The following ACBD6 variants were observed in gnomAD, a reference collection of about 807,000 sequenced individuals.
The protein encoded by ACBD6 is acyl-CoA-binding domain-containing protein 6.
In ACBD6, 28 loss-of-function variants were observed where a neutral mutation model predicts 37.2. The ratio of observed to expected loss-of-function variants is 0.75; its 90% CI spans 0.56 to 1.03. The LOEUF (loss-of-function observed/expected upper bound fraction) is 1.03. Ranked by LOEUF, ACBD6 falls within the 50% of genes least tolerant of loss-of-function variation. The pLI, the probability that ACBD6 is intolerant of heterozygous loss-of-function variation, is 0.00. For synonymous variants in ACBD6, 113 were observed against 126.8 expected, an observed-to-expected ratio of 0.89 and a Z score of 0.73; for missense variants, 340 against 337.4, an observed-to-expected ratio of 1.01 and a Z score of -0.06.
At chr1:180,315,220 T>A (rs1299929994) in intron 6 of ACBD6, among the ~76,000 whole-genome samples, 1 of 152,156 alleles carries the variant, frequency 6.6e-6, no homozygotes, top group Non-Finnish European at 1.5e-5. Flanking sequence ...TATCATAAAG[T>A]AATGTGATTT....
chr1:180,397,061 T>C (rs909790061), intron 6 of ACBD6, among the ~76,000 whole-genome samples: 74 of 152,144 alleles, frequency 4.9e-4, no homozygotes, highest in African/African-American at 1.7e-3. Flanking sequence ...TGCCCATCAA[T>C]TGATTAATGG....
At chr1:180,496,219 T>G (rs1361203355) in intron 1 of ACBD6, among the ~76,000 whole-genome samples, 1 of 152,184 alleles carries the variant, frequency 6.6e-6, no homozygotes, top group African/African-American at 2.4e-5. Context: ...TAAATGAAAT[T>G]CACACAAGTG....
intron 6 of ACBD6, among the ~76,000 whole-genome samples, chr1:180,340,525 A>G (rs893062259): frequency 2.0e-5 from 3 of 152,086 alleles, no homozygotes; most frequent in Non-Finnish European, 4.4e-5. Context: ...TTGTTGTAAA[A>G]AGGAGGAAAG....
chr1:180,394,934 A>G (rs976874819), intron 6 of ACBD6, among the ~76,000 whole-genome samples: 1 of 152,214 alleles, frequency 6.6e-6, no homozygotes, highest in Non-Finnish European at 1.5e-5. Flanking sequence ...TCCTTACTAT[A>G]TAAAAAGTTC....
intron 6 of ACBD6, among the ~76,000 whole-genome samples, chr1:180,335,951 A>C (rs1197364738): frequency 1.3e-5 from 2 of 151,380 alleles, no homozygotes; most frequent in Non-Finnish European, 3.0e-5. Flanking sequence ...CAATTCAACA[A>C]GAAGAGCTAA....
intron 7 of ACBD6, among the ~76,000 whole-genome samples, chr1:180,292,237 G>A (rs1035748961): frequency 3.3e-5 from 5 of 152,146 alleles, no homozygotes; most frequent in Middle Eastern, 3.4e-3. Context: ...TTGGGACCCC[G>A]CTGAATCTAT....
intron 3 of ACBD6, among the ~76,000 whole-genome samples, chr1:180,456,611 T>C (rs184042552): frequency 3.5e-4 from 53 of 152,290 alleles, no homozygotes; most frequent in Admixed American, 2.4e-3. Context: ...TGATACATCA[T>C]GAAACAGCAA....
chr1:180,317,507 A>C (rs1014749720), intron 6 of ACBD6, among the ~76,000 whole-genome samples: 1 of 152,228 alleles, frequency 6.6e-6, no homozygotes, highest in Non-Finnish European at 1.5e-5. Flanking sequence ...GTAAATTCCA[A>C]ATATATTTTA....
At chr1:180,492,164 A>G in intron 3 of ACBD6, 105 bp downstream of exon 3, 2 of 824,488 alleles carry the variant, frequency 2.4e-6, no homozygotes, top group Non-Finnish European at 4.0e-6. Flanking sequence ...TCAAGAAAGT[A>G]AAACTTTAAG....
At chr1:180,308,402 T>C (rs754252145) in intron 7 of ACBD6, among the ~76,000 whole-genome samples, 1 of 152,242 alleles carries the variant, frequency 6.6e-6, no homozygotes, top group Non-Finnish European at 1.5e-5. Flanking sequence ...AACTTTGTAC[T>C]GTATAGGTTG....
At chr1:180,315,609 C>T (rs2149291513) in intron 6 of ACBD6, among the ~76,000 whole-genome samples, 1 of 152,280 alleles carries the variant, frequency 6.6e-6, no homozygotes, top group African/African-American at 2.4e-5. Context: ...CTGCTTTTCC[C>T]ACTTCCTAAC....
chr1:180,288,138 T>A (rs968097814), downstream of ACBD6: 3 of 528,566 alleles, frequency 5.7e-6, no homozygotes, highest in African/African-American at 3.8e-5. Flanking sequence ...CTCAGCAGAA[T>A]TGGATTATAT....
rs1167550941 is a variant in ACBD6 at position 180,288,380 on chromosome 1, T to C, written c.832A>G (p.Thr278Ala). ...KTVSLVLQRH[T>A]TGKA is the part of the protein sequence containing the mutation. ...TCTTTTGATTAAGCCTTGCCAGTTG[T>C]GTGCCGCTGCAGCACCAAAGAAACT... The change falls in exon 8 of 8, where the codon ACA (threonine) becomes GCA (alanine). Residue 278 changes from threonine (T) to alanine (A), a missense_variant. By Grantham distance (58) the Thr-to-Ala change is moderately conservative. Transcript: ENST00000367595. 1.2e-6 allele frequency: 2 copies of C among 1,613,724 alleles called. No homozygotes were observed. The highest frequency in any genetic ancestry group is 4.5e-5 in the East Asian group (2 of 44,900).
At chr1:180,369,820 T>C (rs1653186879) in intron 6 of ACBD6, among the ~76,000 whole-genome samples, 1 of 152,160 alleles carries the variant, frequency 6.6e-6, no homozygotes, top group Non-Finnish European at 1.5e-5. Flanking sequence ...CACTCAAGAA[T>C]GTCTATCTGA....
intron 6 of ACBD6, among the ~76,000 whole-genome samples, chr1:180,385,431 A>C (rs1037383893): frequency 2.2e-4 from 33 of 150,164 alleles, no homozygotes; most frequent in African/African-American, 6.9e-4. Context: ...CACACTGTTT[A>C]TAAGAGACAT....
intron 7 of ACBD6, among the ~76,000 whole-genome samples, chr1:180,307,127 G>A (rs138857523): frequency 1.3e-5 from 2 of 152,174 alleles, no homozygotes; most frequent in African/African-American, 4.8e-5. Flanking sequence ...ACAGATGAAT[G>A]GATAAAGAAA....
chr1:180,409,720 CT>C (rs1647776089), intron 5 of ACBD6, among the ~76,000 whole-genome samples: 1 of 152,164 alleles, frequency 6.6e-6, no homozygotes, highest in African/African-American at 2.4e-5. Flanking sequence ...GTCTCTCCCC[CT>C]CTCTTCAGGC....
intron 5 of ACBD6, among the ~76,000 whole-genome samples, chr1:180,407,268 A>C (rs1420135278): frequency 1.3e-5 from 2 of 152,218 alleles, no homozygotes; most frequent in African/African-American, 2.4e-5. Flanking sequence ...TAAGCACTTC[A>C]TCTGTTCATG....
Position 180,489,413 on chromosome 1 carries a change from A to G in ACBD6, c.384+2856T>C, listed in dbSNP as rs1014406073. Among the ~76,000 whole-genome samples, 3 of 151,656 alleles carry G rather than the reference A, an allele frequency of 2.0e-5. No homozygotes were observed. In the South Asian group the frequency reaches 6.2e-4, roughly 31 times the overall value. On this transcript the variant is annotated intron_variant, in intron 3 of 7. Coordinates refer to ENST00000367595, the MANE Select transcript of ACBD6 (RefSeq NM_032360.4). ...AAAACTAAAATGTAAATAAAAAATA[A>G]AATTCCTCCTTACAACTGGATTCCA...
Sources: gnomAD v4.1 joint callset for allele counts (sites outside exome capture counted in the v4.1 genomes callset) on GRCh38, gnomAD v4.1.1 for gene constraint, MANE v1.5 for transcripts, NCBI Gene and HGNC (gene_info 2026-07-23, HGNC 2026-07-21) for gene names.